The following EZR variants were observed in gnomAD, a reference collection of about 807,000 sequenced individuals.
The protein encoded by EZR is cytovillin 2.
A neutral mutation model predicts 74.8 loss-of-function variants in EZR; 40 were observed. The ratio of observed to expected loss-of-function variants is 0.53; its 90% CI spans 0.42 to 0.70. The LOEUF (loss-of-function observed/expected upper bound fraction) is 0.70, where lower values mean the gene tolerates loss of function less well. EZR is among the 30% of genes least tolerant of loss of function. The pLI is 0.00. For synonymous variants in EZR, 341 were observed against 283.3 expected (o/e 1.20, Z -2.05); for missense variants, 678 against 755.8 (o/e 0.90, Z 1.21).
At chr6:158,785,676 C>T in intron 4 of EZR, 93 bp from the exon 5 acceptor site, 1 of 1,456,998 alleles carries the variant, frequency 6.9e-7, no homozygotes, top group Non-Finnish European at 9.4e-7. Context: ...CAATGGGGCC[C>T]TCAAGCCAGT....
At chr6:158,816,134 G>T (rs1777548261) in intron 2 of EZR, among the ~76,000 whole-genome samples, 1 of 152,202 alleles carries the variant, frequency 6.6e-6, no homozygotes, top group Non-Finnish European at 1.5e-5. Flanking sequence ...CGAATTCATA[G>T]AGACAGAAAG....
In EZR at chr6:158,798,957, G is replaced by A. The variant is rs144817126; in HGVS notation, c.13-9586C>T. On this transcript the variant is annotated intron_variant, in intron 2 of 13. Transcript: ENST00000367075. ...CTCCAATGATGCTGAGCACAACCCAGCACTCTAATTACAAAAATTTGTTTT... is the reference window on the plus strand; with the variant it reads ...CTCCAATGATGCTGAGCACAACCCAACACTCTAATTACAAAAATTTGTTTT... Among the ~76,000 whole-genome samples, 12 of 152,186 alleles carry A rather than the reference G, an allele frequency of 7.9e-5. No homozygotes were observed. The East Asian group carries it at 2.3e-3, about 29-fold the overall frequency.
In EZR at chr6:158,783,661, T is replaced by C. The variant is rs780444004; in HGVS notation, c.557A>G (p.Asn186Ser). The change falls in exon 7 of 14, where the codon AAT (asparagine) becomes AGT (serine). Residue 186 changes from asparagine (N) to serine (S), a missense_variant. Asn to Ser is a conservative substitution (Grantham distance 46, BLOSUM62 1). This residue lies in a region of EZR where 217 missense variants were observed against 232.2 expected (regional missense o/e 0.93). Transcript: ENST00000367075. ...AATCTTCAGGTATTCCAACATAGCA[T>C]TATCTCTAATTGGGGAGAGTGAAAC... ...HAEHRGMLKD[N>S]AMLEYLKIAQ... The C allele has an allele frequency of 6.2e-7, 1 of 1,613,656 alleles. No individual in the cohort carries two copies. The highest frequency in any genetic ancestry group is 1.1e-5 in the South Asian group (1 of 91,078).
At chr6:158,792,820 A>AAAG (rs1791780565) in intron 2 of EZR, among the ~76,000 whole-genome samples, 1 of 151,182 alleles carries the variant, frequency 6.6e-6, no homozygotes, top group South Asian at 2.1e-4. Context: ...ATCTCAAAAA[A>AAAG]AAAAAAAAGT....
At chr6:158,793,046 C>T (rs1210992715) in intron 2 of EZR, among the ~76,000 whole-genome samples, 2 of 151,848 alleles carry the variant, frequency 1.3e-5, no homozygotes, top group Admixed American at 6.6e-5. Context: ...GGAGGCCAGG[C>T]CCATTGGCTC....
chr6:158,804,747 T>G (rs1777293280), intron 2 of EZR, among the ~76,000 whole-genome samples: 1 of 94,874 alleles, frequency 1.1e-5, no homozygotes, highest in Non-Finnish European at 2.2e-5. Flanking sequence ...GTGAAGAGTT[T>G]TTCCTTTCTT....
At chr6:158,802,729 A>C (rs1777214372) in intron 2 of EZR, among the ~76,000 whole-genome samples, 1 of 107,066 alleles carries the variant, frequency 9.3e-6, no homozygotes, top group African/African-American at 3.1e-5. Flanking sequence ...ACGGGGTTTC[A>C]CCATGTTAAG....
At chr6:158,799,123 C>A (rs999203272) in intron 2 of EZR, among the ~76,000 whole-genome samples, 1 of 152,164 alleles carries the variant, frequency 6.6e-6, no homozygotes, top group Non-Finnish European at 1.5e-5. Flanking sequence ...AGGCCTGGCT[C>A]ACACCCCTTT....
chr6:158,771,390 G>A lies in EZR; in HGVS notation c.813C>T (p.Ala271=), dbSNP rs142697996. ...TCCGCTTGTTGATTCTCAGACGTGG[G>A]GCATAAAACACAAAGTCCTACAAAA... ...DKKAPDFVFY[A]PRLRINKRIL... is the part of the protein sequence containing the mutation. Residue 271 remains alanine, a synonymous_variant, in exon 9 of 14, where the codon GCC becomes GCT. Coordinates refer to ENST00000367075, the MANE Select transcript of EZR (RefSeq NM_001111077.2). The A allele has an allele frequency of 9.4e-5, 152 of 1,609,546 alleles. No individual in the cohort carries two copies. In the African/African-American group the frequency reaches 1.6e-3, roughly 17 times the overall value.
At chr6:158,778,793 G>C (rs1791349899) in intron 7 of EZR, among the ~76,000 whole-genome samples, 1 of 152,160 alleles carries the variant, frequency 6.6e-6, no homozygotes, top group African/African-American at 2.4e-5. Flanking sequence ...CAAACAACCT[G>C]AGCAAGAAGA....
intron 12 of EZR, among the ~76,000 whole-genome samples, 193 bp from the exon 13 acceptor site, chr6:158,767,705 G>C (rs1790942316): frequency 6.6e-6 from 1 of 152,160 alleles, no homozygotes; most frequent in African/African-American, 2.4e-5. Flanking sequence ...GACAGGAAGA[G>C]GAACTGTGAT....
In EZR at chr6:158,787,182, G is replaced by A. The variant is rs772608428; in HGVS notation, c.118C>T (p.Arg40Trp). ...FDQVVKTIGLREVWYFGLHYV... is the reference protein window; with the variant it reads ...FDQVVKTIGLWEVWYFGLHYV... ...TGGAGGCCAAAGTACCACACTTCCC[G>A]GAGGCCGATAGTCTTTACCACCTGC... The change falls in exon 4 of 14, where the codon CGG becomes TGG. Residue 40 changes from arginine to tryptophan, a missense_variant. Transcript: ENST00000367075. 14 of 1,612,998 alleles carry A rather than the reference G, an allele frequency of 8.7e-6. No individual in the cohort carries two copies. The highest frequency in any genetic ancestry group is 3.3e-4 in the Middle Eastern group (2 of 6,070).
At chr6:158,794,037 G>T (rs1218286528) in intron 2 of EZR, among the ~76,000 whole-genome samples, 3 of 152,210 alleles carry the variant, frequency 2.0e-5, no homozygotes, top group Admixed American at 2.0e-4. Flanking sequence ...AGCACTTTGG[G>T]AGGCCAAGGT....
At chr6:158,772,174 C>T (rs2128566574) in intron 8 of EZR, among the ~76,000 whole-genome samples, 1 of 152,366 alleles carries the variant, frequency 6.6e-6, no homozygotes, top group East Asian at 1.9e-4. Flanking sequence ...TTCAGCATCT[C>T]ACTCCTATGA....
rs1377325628 is a variant in EZR at position 158,769,346 on chromosome 6, C to T, written c.1324G>A (p.Val442Ile). The T allele has an allele frequency of 4.3e-6, 7 of 1,609,758 alleles. No individual in the cohort carries two copies. The highest frequency in any genetic ancestry group is 4.0e-5 in the African/African-American group (3 of 74,958). The part of the protein sequence containing the change: ...EEARRRKEDE[V>I]EEWQHRAKEA... ...CTCACCCTGTGCTGCCACTCTTCAACTTCATCCTCCTTGCGCCTCCGCGCC... is the reference window on the plus strand; with the variant it reads ...CTCACCCTGTGCTGCCACTCTTCAATTTCATCCTCCTTGCGCCTCCGCGCC... The change falls in exon 12 of 14, where the codon GTT becomes ATT. Residue 442 changes from valine (V) to isoleucine (I), a missense_variant. Around this residue, in one of 3 missense-constraint regions of EZR, gnomAD observed 342 missense variants for 341.2 expected, o/e 1.00. Coordinates refer to ENST00000367075, the MANE Select transcript of EZR (RefSeq NM_001111077.2).
chr6:158,801,948 T>C (rs929303726), intron 2 of EZR, among the ~76,000 whole-genome samples: 9 of 152,198 alleles, frequency 5.9e-5, no homozygotes, highest in Admixed American at 5.9e-4. Context: ...ACAGCTGTTG[T>C]TCCCCATCAG....
At chr6:158,814,805 T>A (rs1208392730) in intron 2 of EZR, among the ~76,000 whole-genome samples, 1 of 152,150 alleles carries the variant, frequency 6.6e-6, no homozygotes, top group African/African-American at 2.4e-5. Context: ...CCTCCCAAAG[T>A]GCTGGGATTA....
chr6:158,769,193 G>A, intron 12 of EZR, 133 bp downstream of exon 12: 1 of 673,552 alleles, frequency 1.5e-6, no homozygotes, highest in South Asian at 1.8e-5. Flanking sequence ...AGACATCCCA[G>A]AAGCTTCCAG....
At chr6:158,785,224 T>A in intron 5 of EZR, 85 bp downstream of exon 5, 1 of 1,545,422 alleles carries the variant, frequency 6.5e-7, no homozygotes, top group Admixed American at 1.8e-5. Flanking sequence ...CCTTGTGTTT[T>A]TAAACTGTGC....
Sources: allele counts gnomAD v4.1 joint callset (sites outside exome capture counted in the v4.1 genomes callset), GRCh38; gene constraint gnomAD v4.1.1; regional missense constraint gnomAD v4.1.1; transcripts MANE v1.5; gene names NCBI Gene and HGNC (gene_info 2026-07-23, HGNC 2026-07-21).